Variants in GRIK3 observed in about 807,000 individuals in gnomAD.
GRIK3 encodes the protein glutamate receptor ionotropic, kainate 3.
Under a neutral mutation model 102.5 loss-of-function variants are expected in GRIK3, and 29 were observed. The ratio of observed to expected loss-of-function variants is 0.28; its 90% CI spans 0.21 to 0.39. The LOEUF (loss-of-function observed/expected upper bound fraction) is 0.39, where lower values mean the gene tolerates loss of function less well. Ranked by LOEUF, GRIK3 falls within the 10% of genes least tolerant of loss-of-function variation. The pLI is 1.00. For missense variants in GRIK3, 908 were observed against 1,252.4 expected (o/e 0.73, Z 4.15); for synonymous variants, 511 against 504.9 (o/e 1.01, Z -0.16).
intron 1 of GRIK3, among the ~76,000 whole-genome samples, chr1:36,900,787 T>C (rs1641225113): frequency 6.6e-6 from 1 of 152,050 alleles, no homozygotes. Flanking sequence ...AAAAGACAGA[T>C]AAAATTGATA....
intron 1 of GRIK3, among the ~76,000 whole-genome samples, chr1:36,956,000 ACCT>A (rs1157752097): frequency 6.6e-6 from 1 of 152,162 alleles, no homozygotes; most frequent in Non-Finnish European, 1.5e-5. Context: ...TCTTGGTGAC[ACCT>A]CCTCCTGCAG....
intron 1 of GRIK3, among the ~76,000 whole-genome samples, chr1:37,031,495 G>C (rs1402895419): frequency 1.3e-5 from 2 of 152,248 alleles, no homozygotes; most frequent in African/African-American, 4.8e-5. Flanking sequence ...AAAGAGAGGG[G>C]GTGGGTACGA....
chr1:36,944,646 C>G (rs533227634), intron 1 of GRIK3, among the ~76,000 whole-genome samples: 1 of 152,236 alleles, frequency 6.6e-6, no homozygotes, highest in African/African-American at 2.4e-5. Context: ...GCAGTCTCCC[C>G]TCATATTGCA....
chr1:36,851,426 G>A (rs1354630598), intron 8 of GRIK3, among the ~76,000 whole-genome samples: 2 of 152,248 alleles, frequency 1.3e-5, no homozygotes, highest in Non-Finnish European at 2.9e-5. Context: ...CCAGGGCCTT[G>A]AGGAGAGGAA....
At chr1:37,016,664 G>T (rs1253367707) in intron 1 of GRIK3, among the ~76,000 whole-genome samples, 1 of 152,100 alleles carries the variant, frequency 6.6e-6, no homozygotes, top group East Asian at 1.9e-4. Flanking sequence ...GCAGGACAGT[G>T]ACTGGCCCTG....
At chr1:36,912,539 C>T (rs929819739) in intron 1 of GRIK3, among the ~76,000 whole-genome samples, 1 of 152,054 alleles carries the variant, frequency 6.6e-6, no homozygotes, top group Admixed American at 6.5e-5. Context: ...ATTCCTGGAG[C>T]CGCCTCCCAG....
At chr1:36,912,959 A>T (rs1447904871) in intron 1 of GRIK3, among the ~76,000 whole-genome samples, 1 of 152,202 alleles carries the variant, frequency 6.6e-6, no homozygotes, top group Non-Finnish European at 1.5e-5. Flanking sequence ...ATCTGTAATG[A>T]TTATGCACAG....
intron 1 of GRIK3, among the ~76,000 whole-genome samples, chr1:36,953,411 A>C (rs1344007453): frequency 6.6e-6 from 1 of 152,136 alleles, no homozygotes; most frequent in Non-Finnish European, 1.5e-5. Flanking sequence ...GAAGGGCAGG[A>C]GTCATCCTAA....
intron 1 of GRIK3, among the ~76,000 whole-genome samples, chr1:36,947,628 G>C (rs1455988825): frequency 6.6e-6 from 1 of 152,056 alleles, no homozygotes; most frequent in Non-Finnish European, 1.5e-5. Context: ...CATCTTATCA[G>C]AGAAGATGTG....
At chr1:36,942,298 G>A (rs927114338) in intron 1 of GRIK3, among the ~76,000 whole-genome samples, 1 of 152,234 alleles carries the variant, frequency 6.6e-6, no homozygotes, top group Non-Finnish European at 1.5e-5. Context: ...CCAGAGCCAG[G>A]AGCCCCTGGC....
intron 2 of GRIK3, among the ~76,000 whole-genome samples, chr1:36,887,240 G>GA (rs1414235410): frequency 6.6e-6 from 1 of 151,852 alleles, no homozygotes; most frequent in African/African-American, 2.4e-5. Context: ...GCATTTCTAG[G>GA]AAAAAAATGA....
At position 36,806,129 on chromosome 1, in the gene GRIK3, C is replaced by T. The variant is rs1479504751; in HGVS notation, c.2289G>A (p.Lys763=). 2 of 1,614,126 alleles carry T rather than the reference C, an allele frequency of 1.2e-6. No individual in the cohort carries two copies. Among genetic ancestry groups the T allele is most frequent in the East Asian group, 2.2e-5 (1 of 44,862 alleles). Residue 763 remains lysine (K), a synonymous_variant, in exon 14 of 16, where the codon AAG becomes AAA. Transcript: ENST00000373091. The surrounding 1 kb of genome is among the most constrained non-coding windows in gnomAD (Gnocchi z 4.0). ...CCATGGGCGTGCCGATGCCGTAGCC[C>T]TTGGAGTCAATGAGGCCCCCGATCT... ...LTQIGGLIDS[K]GYGIGTPMGS...
intron 1 of GRIK3, among the ~76,000 whole-genome samples, chr1:36,942,839 G>C (rs756668148): frequency 1.3e-5 from 2 of 152,120 alleles, no homozygotes; most frequent in Non-Finnish European, 2.9e-5. Flanking sequence ...AGGTGAAGCT[G>C]GCAGCCCAGG....
At chr1:36,804,610 C>A in intron 15 of GRIK3, 1 of 399,122 alleles carries the variant, frequency 2.5e-6, no homozygotes, top group Non-Finnish European at 4.4e-6. Context: ...CAACCATCAC[C>A]CACCTTCAAC....
rs1570740167 is a variant in GRIK3, at chr1:36,815,660, C to CG, written c.2091+1399dup. On this transcript the variant is annotated intron_variant, in intron 13 of 15. Transcript: ENST00000373091. Reference sequence around the variant, plus strand: ...ACAGAACCTGGACCAGCAGCTGCAGCGTCACTTTGGAACTTTTTAGAAATG... The same window carrying CG: ...ACAGAACCTGGACCAGCAGCTGCAGCGGTCACTTTGGAACTTTTTAGAAATG... Among the ~76,000 whole-genome samples the CG allele has an allele frequency of 2.6e-5, 4 of 152,176 alleles. No individual in the cohort carries two copies. The East Asian group carries it at 7.7e-4, about 29-fold the overall frequency.
At chr1:36,948,624 T>G (rs1277597676) in intron 1 of GRIK3, among the ~76,000 whole-genome samples, 1 of 152,156 alleles carries the variant, frequency 6.6e-6, no homozygotes, top group African/African-American at 2.4e-5. Context: ...TAATAATAAC[T>G]ACTTATTCTG....
chr1:36,868,162 C>T (rs531477269), intron 5 of GRIK3, among the ~76,000 whole-genome samples: 1 of 146,728 alleles, frequency 6.8e-6, no homozygotes, highest in African/African-American at 2.4e-5. Context: ...AAGTTGTGGA[C>T]CCCTGGAATG....
intron 1 of GRIK3, among the ~76,000 whole-genome samples, chr1:37,014,855 T>C (rs1364384474): frequency 6.8e-6 from 1 of 146,068 alleles, no homozygotes. Context: ...TCTTTTCTTT[T>C]CTTTTCTTTT....
chr1:36,841,965 G>C, intron 9 of GRIK3, 26 bp from the exon 10 acceptor site: 1 of 1,586,540 alleles, frequency 6.3e-7, no homozygotes, highest in Non-Finnish European at 8.7e-7. Context: ...GGCAGGGTGT[G>C]ACGAAGACTG....
Sources: allele counts gnomAD v4.1 joint callset (sites outside exome capture counted in the v4.1 genomes callset), GRCh38; gene constraint gnomAD v4.1.1; non-coding constraint Gnocchi (gnomAD v3.1); transcripts MANE v1.5; gene names NCBI Gene and HGNC (gene_info 2026-07-23, HGNC 2026-07-21).